Variants in STARD13 observed in about 807,000 individuals in gnomAD.
The protein encoded by STARD13 is StAR related lipid transfer domain containing 13, also known as stAR-related lipid transfer protein 13.
In STARD13, 62 loss-of-function variants were observed where a neutral mutation model predicts 106.4. That is an observed-to-expected ratio of 0.58 (90% CI 0.48 to 0.72). STARD13 has a LOEUF of 0.72. Ranked by LOEUF, STARD13 falls within the 30% of genes least tolerant of loss-of-function variation. The pLI, the probability that STARD13 is intolerant of heterozygous loss-of-function variation, is 0.00. For synonymous variants in STARD13, 565 were observed against 553.0 expected (o/e 1.02, Z -0.31); for missense variants, 1,387 against 1,424.0 (o/e 0.97, Z 0.42).
the STARD13 span, among the ~76,000 whole-genome samples, chr13:33,569,710 G>A: frequency 6.8e-6 from 1 of 147,906 alleles, no homozygotes; most frequent in Non-Finnish European, 1.5e-5. Flanking sequence ...AATCGTAATT[G>A]ATTGACTTTT....
chr13:33,191,898 G>A (rs1023102271), intron 1 of STARD13, among the ~76,000 whole-genome samples: 1 of 152,236 alleles, frequency 6.6e-6, no homozygotes, highest in East Asian at 1.9e-4. Flanking sequence ...ACTGCATTTT[G>A]CAAGGCAGTC....
intron 1 of STARD13, among the ~76,000 whole-genome samples, chr13:33,216,820 TAAG>T (rs1240294940): frequency 6.6e-6 from 1 of 152,148 alleles, no homozygotes; most frequent in Non-Finnish European, 1.5e-5. Flanking sequence ...CCGCATTGTC[TAAG>T]AAGAATGTGT....
At chr13:33,185,992 T>C (rs367971148) in intron 1 of STARD13, 41 of 1,614,068 alleles carry the variant, frequency 2.5e-5, no homozygotes, top group African/African-American at 4.0e-5. Flanking sequence ...TGGTTAACGT[T>C]TGCATGGAGA....
At chr13:33,488,755 T>C in the STARD13 span, among the ~76,000 whole-genome samples, 1 of 152,214 alleles carries the variant, frequency 6.6e-6, no homozygotes, top group Admixed American at 6.5e-5. Flanking sequence ...CTATCTATCT[T>C]TCAAGTTCAA....
the STARD13 span, among the ~76,000 whole-genome samples, chr13:33,379,285 G>T: frequency 6.6e-6 from 1 of 152,048 alleles, no homozygotes; most frequent in African/African-American, 2.4e-5. Flanking sequence ...TTGTAAAATA[G>T]TCCACATTAA....
the STARD13 span, among the ~76,000 whole-genome samples, chr13:33,395,259 A>G: frequency 6.6e-6 from 1 of 152,200 alleles, no homozygotes; most frequent in Non-Finnish European, 1.5e-5. Flanking sequence ...TTAACTGACA[A>G]TGATACTAAA....
upstream of STARD13, among the ~76,000 whole-genome samples, chr13:33,290,274 G>A (rs1892242824): frequency 6.6e-6 from 1 of 152,132 alleles, no homozygotes; most frequent in Non-Finnish European, 1.5e-5. Context: ...AGATACAAGT[G>A]GCAGGCAGAA....
chr13:33,536,490 G>A, the STARD13 span, among the ~76,000 whole-genome samples: 3 of 152,156 alleles, frequency 2.0e-5, no homozygotes, highest in South Asian at 6.2e-4. Flanking sequence ...TGAGAATGTT[G>A]TAATATTACT....
chr13:33,488,660 TACAA>T, the STARD13 span, among the ~76,000 whole-genome samples: 2 of 152,218 alleles, frequency 1.3e-5, no homozygotes. Flanking sequence ...TTCCTGATCA[TACAA>T]ACACTTTCAA....
At chr13:33,114,554 G>C (rs1261704742) in intron 8 of STARD13, among the ~76,000 whole-genome samples, 1 of 152,184 alleles carries the variant, frequency 6.6e-6, no homozygotes. Context: ...CTCTCGCTTA[G>C]GGTGGAGGAG....
chr13:33,413,062 A>T, the STARD13 span, among the ~76,000 whole-genome samples: 1 of 152,218 alleles, frequency 6.6e-6, no homozygotes, highest in Admixed American at 6.5e-5. Flanking sequence ...AATAAAACAA[A>T]ATGTTTTCTC....
chr13:33,219,005 A>G (rs1333601643), intron 1 of STARD13, among the ~76,000 whole-genome samples: 4 of 152,190 alleles, frequency 2.6e-5, no homozygotes, highest in African/African-American at 9.7e-5. Context: ...AGGGCCCTGG[A>G]AATCTACAGG....
At chr13:33,257,458 A>G (rs914617748) in intron 1 of STARD13, among the ~76,000 whole-genome samples, 1 of 152,220 alleles carries the variant, frequency 6.6e-6, no homozygotes, top group African/African-American at 2.4e-5. Context: ...ATCTATACCT[A>G]TATCTTTACC....
rs34128539 is a variant in STARD13 at position 33,112,707 on chromosome 13, GA to G, written c.2492+13del. 7 of 1,561,354 alleles carry G rather than the reference GA, an allele frequency of 4.5e-6. No individual in the cohort carries two copies. The highest frequency in any genetic ancestry group is 1.2e-5 in the South Asian group (1 of 80,698). On this transcript the variant is annotated intron_variant, in intron 9 of 13. Transcript: ENST00000336934. Reference sequence around the variant, plus strand: ...GCTTTGGGATTACTGTTGTTACTGAGAAAAAAAACCCACCGTGGAGAGCTTT... The same window carrying G: ...GCTTTGGGATTACTGTTGTTACTGAGAAAAAAACCCACCGTGGAGAGCTTT...
At chr13:33,187,575 T>C (rs1885883751) in intron 1 of STARD13, among the ~76,000 whole-genome samples, 1 of 152,220 alleles carries the variant, frequency 6.6e-6, no homozygotes, top group Non-Finnish European at 1.5e-5. Context: ...ATTCATTAAA[T>C]GTAGTGCATG....
chr13:33,614,646 T>C, the STARD13 span, among the ~76,000 whole-genome samples: 1 of 152,184 alleles, frequency 6.6e-6, no homozygotes, highest in East Asian at 1.9e-4. Flanking sequence ...AACAGGGTAA[T>C]GTGATTGAGA....
the STARD13 span, among the ~76,000 whole-genome samples, chr13:33,367,394 A>G: frequency 1.3e-5 from 2 of 152,222 alleles, no homozygotes; most frequent in East Asian, 3.8e-4. Context: ...TGACACATAC[A>G]AGCTGGCTTC....
intron 8 of STARD13, chr13:33,113,559 C>T (rs756098181): frequency 4.5e-5 from 23 of 516,676 alleles, no homozygotes; most frequent in South Asian, 3.1e-4. Context: ...TCCTACAAAT[C>T]TCCCAGGACT....
chr13:33,295,707 G>T (rs188551796), intron 1 of STARD13, among the ~76,000 whole-genome samples: 20 of 150,918 alleles, frequency 1.3e-4, no homozygotes, highest in Non-Finnish European at 2.5e-4. Flanking sequence ...GGGTGCCCGG[G>T]GGGGGCAGAG....
Sources: gnomAD v4.1 joint callset for allele counts (sites outside exome capture counted in the v4.1 genomes callset) on GRCh38, gnomAD v4.1.1 for gene constraint, MANE v1.5 for transcripts, NCBI Gene and HGNC (gene_info 2026-07-23, HGNC 2026-07-21) for gene names.